Variants in PCDH15 observed in about 807,000 individuals in gnomAD.
PCDH15 encodes the protein protocadherin related 15, also known as protocadherin-15.
Under a neutral mutation model 178.5 loss-of-function variants are expected in PCDH15, and 129 were observed. The ratio of observed to expected loss-of-function variants is 0.72; its 90% CI spans 0.63 to 0.84. The LOEUF (loss-of-function observed/expected upper bound fraction) is 0.84, where lower values mean the gene tolerates loss of function less well. PCDH15 is among the 40% of genes least tolerant of loss of function. The pLI is 0.00. For synonymous variants in PCDH15, 800 were observed against 732.0 expected, an observed-to-expected ratio of 1.09 and a Z score of -1.50; for missense variants, 2,230 against 2,099.9, an observed-to-expected ratio of 1.06 and a Z score of -1.21.
At chr10:53,822,643 C>G (rs1305240743) in intron 32 of PCDH15, 1 of 1,614,060 alleles carries the variant, frequency 6.2e-7, no homozygotes. Flanking sequence ...AAGGAACACT[C>G]AGCAGGAGAA....
rs563863204 is a variant in PCDH15, at chr10:55,504,246, G to A, written c.-156+123379C>T. Among the ~76,000 whole-genome samples the A allele has an allele frequency of 5.3e-5, 8 of 151,532 alleles. No individual in the cohort carries two copies. The South Asian group carries it at 1.7e-3, about 31-fold the overall frequency. ...TAAAAGCACCACTCAGGTGAGGAAT[G>A]TTGATAATAGGAAAAGCTATGCAAA... On this transcript the variant is annotated intron_variant, in intron 2 of 5. Coordinates refer to the PCDH15 transcript ENST00000613346.
chr10:54,811,600 C>T (rs548244022), intron 3 of PCDH15, among the ~76,000 whole-genome samples: 2 of 152,028 alleles, frequency 1.3e-5, no homozygotes, highest in South Asian at 2.1e-4. Flanking sequence ...CCTCCTGAGT[C>T]GCTGGGATTA....
intron 21 of PCDH15, among the ~76,000 whole-genome samples, chr10:53,963,556 G>A (rs549542641): frequency 6.6e-6 from 1 of 152,080 alleles, no homozygotes; most frequent in Non-Finnish European, 1.5e-5. Flanking sequence ...TTAATATCTG[G>A]CTAAACTCTG....
intron 9 of PCDH15, among the ~76,000 whole-genome samples, chr10:54,226,338 CG>C (rs2053446708): frequency 6.6e-6 from 1 of 152,076 alleles, no homozygotes; most frequent in Non-Finnish European, 1.5e-5. Flanking sequence ...AGAACAGCAA[CG>C]GAAAGACTTG....
At chr10:55,359,088 C>T (rs1336250821) in intron 2 of PCDH15, among the ~76,000 whole-genome samples, 1 of 151,904 alleles carries the variant, frequency 6.6e-6, no homozygotes, top group Admixed American at 6.6e-5. Context: ...GTCCTAGCTC[C>T]TTGGGAGGCT....
chr10:54,356,199 T>C (rs1004678266), intron 5 of PCDH15, among the ~76,000 whole-genome samples: 1 of 152,202 alleles, frequency 6.6e-6, no homozygotes. Context: ...TTGTGTTACA[T>C]GCTATGATAA....
intron 23 of PCDH15, among the ~76,000 whole-genome samples, chr10:53,942,923 G>A (rs1477320075): frequency 3.3e-5 from 5 of 152,026 alleles, no homozygotes; most frequent in African/African-American, 9.7e-5. Context: ...TTTGAACAAT[G>A]GATTGTTAAT....
chr10:55,053,334 A>G lies in PCDH15; in HGVS notation c.-80+113242T>C, dbSNP rs530054488. Among the ~76,000 whole-genome samples the G allele has an allele frequency of 3.3e-5, 5 of 152,306 alleles. No individual in the cohort carries two copies. The South Asian group carries it at 6.2e-4, about 19-fold the overall frequency. On this transcript the variant is annotated intron_variant, in intron 2 of 5. Transcript: ENST00000458638. The stretch of plus-strand genomic sequence containing the variant: ...ATTTCATTTCCAATTCCACTTGTAT[A>G]AAAGCATGCTAACCCAGCACCGACA...
At chr10:54,590,971 T>A (rs1450456695) in intron 2 of PCDH15, among the ~76,000 whole-genome samples, 1 of 152,144 alleles carries the variant, frequency 6.6e-6, no homozygotes, top group Non-Finnish European at 1.5e-5. Context: ...TTGGTAAACA[T>A]TCAATGGAGT....
At chr10:54,747,731 C>T (rs11004536) in intron 1 of PCDH15, among the ~76,000 whole-genome samples, 1 of 151,728 alleles carries the variant, frequency 6.6e-6, no homozygotes, top group South Asian at 2.1e-4. Context: ...TTTCTTGAAT[C>T]TAAGACTCCA....
chr10:54,342,527 C>T (rs1942436726), intron 6 of PCDH15, among the ~76,000 whole-genome samples: 1 of 152,146 alleles, frequency 6.6e-6, no homozygotes, highest in Admixed American at 6.5e-5. Flanking sequence ...GGGTGGAGCC[C>T]TCATGGAAAA....
rs190317683 is a variant in PCDH15 at position 54,770,020 on chromosome 10, T to C, written c.-29+30905A>G. ...AAATTGAATAAAATTAAAAATTTAC[T>C]TCTTCAGTCATCCTGAACGCATTTT... is the stretch of plus-strand genomic sequence containing the variant. On this transcript the variant is annotated intron_variant, in intron 1 of 37. Transcript: ENST00000644397. 2.2e-3 allele frequency among the ~76,000 whole-genome samples: 338 copies of C among 152,278 alleles called. 4 individuals carry two copies. The highest frequency in any genetic ancestry group is 6.5e-3 in the African/African-American group (272 of 41,538).
At chr10:55,134,726 G>A (rs1395768140) in intron 2 of PCDH15, among the ~76,000 whole-genome samples, 1 of 152,242 alleles carries the variant, frequency 6.6e-6, no homozygotes, top group South Asian at 2.1e-4. Flanking sequence ...AAAACTGTTG[G>A]GTGGGACTTA....
At chr10:53,985,834 T>C (rs1221454052) in intron 21 of PCDH15, among the ~76,000 whole-genome samples, 1 of 152,026 alleles carries the variant, frequency 6.6e-6, no homozygotes, top group African/African-American at 2.4e-5. Context: ...TCACAAAATA[T>C]AAATATGGAT....
chr10:53,888,884 A>G (rs1200500791), intron 26 of PCDH15, among the ~76,000 whole-genome samples: 1 of 150,856 alleles, frequency 6.6e-6, no homozygotes, highest in African/African-American at 2.4e-5. Context: ...CAGGTCAATG[A>G]AATAGAATAA....
rs908235566 is a variant in PCDH15 at position 54,869,583 on chromosome 10, G to A, written c.-29+27867C>T. Among the ~76,000 whole-genome samples the A allele has an allele frequency of 2.0e-4, 30 of 152,122 alleles. 1 individual carries two copies. Among genetic ancestry groups the A allele is most frequent in the Admixed American group, 1.8e-3 (28 of 15,258 alleles). ...TTAGTACTTTCTCTTGGAGCAAGTT[G>A]TTTATCCAATTCAAATCTTAATTTC... is the stretch of plus-strand genomic sequence containing the variant. On this transcript the variant is annotated intron_variant, in intron 3 of 5. Transcript: ENST00000458638.
rs115877736 is a variant in PCDH15, at chr10:54,905,479, C to G, written c.-79-7979G>C. Among the ~76,000 whole-genome samples the G allele has an allele frequency of 8.8e-3, 1,343 of 152,120 alleles. 14 individuals carry two copies. The highest frequency in any genetic ancestry group is 0.03 in the African/African-American group (1,252 of 41,524). ...TAGAATCATGCATTTATGAATTTTT[C>G]CATATTTTTCTTCATTTCTAATGCA... On this transcript the variant is annotated intron_variant, in intron 2 of 5. Coordinates refer to the PCDH15 transcript ENST00000458638.
chr10:53,971,473 A>G (rs893206431), intron 21 of PCDH15, among the ~76,000 whole-genome samples: 1 of 152,180 alleles, frequency 6.6e-6, no homozygotes, highest in Non-Finnish European at 1.5e-5. Context: ...AATGATATTC[A>G]ATTAGGAAAA....
chr10:55,014,328 C>A (rs1455909936), intron 2 of PCDH15, among the ~76,000 whole-genome samples: 1 of 152,036 alleles, frequency 6.6e-6, no homozygotes, highest in African/African-American at 2.4e-5. Flanking sequence ...AAACTTATTT[C>A]TTCACCTTTG....
Sources: allele counts gnomAD v4.1 joint callset (sites outside exome capture counted in the v4.1 genomes callset), GRCh38; gene constraint gnomAD v4.1.1; transcripts MANE v1.5; gene names NCBI Gene and HGNC (gene_info 2026-07-23, HGNC 2026-07-21).